The following COL4A4 variants were observed in gnomAD, a reference collection of about 807,000 sequenced individuals.
COL4A4 encodes collagen type IV alpha 4 chain, also known as collagen alpha-4(IV) chain.
Under a neutral mutation model 192.9 loss-of-function variants are expected in COL4A4, and 105 were observed. The ratio of observed to expected loss-of-function variants is 0.54; its 90% CI spans 0.46 to 0.64. COL4A4 has a LOEUF of 0.64. COL4A4 is among the 30% of genes least tolerant of loss of function. The pLI is 0.00. For synonymous variants in COL4A4, 762 were observed against 769.9 expected, an observed-to-expected ratio of 0.99 and a Z score of 0.17; for missense variants, 1,967 against 2,169.3, an observed-to-expected ratio of 0.91 and a Z score of 1.85.
rs1197219086 is a variant in COL4A4, at chr2:227,067,548, T to C, written c.1988-4950A>G. 2.6e-5 allele frequency among the ~76,000 whole-genome samples: 4 copies of C among 152,034 alleles called. No homozygotes were observed. In the South Asian group the frequency reaches 6.2e-4, roughly 24 times the overall value. ...GACCACAATGCAATCAAACTAGAAC[T>C]CAGGATTAAGAATCTCACTCAAAAC... On this transcript the variant is annotated intron_variant, in intron 25 of 47. Transcript: ENST00000396625.
intron 1 of COL4A4, among the ~76,000 whole-genome samples, chr2:227,156,499 A>G (rs2064365358): frequency 2.0e-5 from 3 of 151,960 alleles, no homozygotes; most frequent in Admixed American, 2.0e-4. Context: ...TGGAAAAAAA[A>G]AATAGGAATA....
At chr2:227,041,708 GAA>G (rs1970909357) in intron 37 of COL4A4, among the ~76,000 whole-genome samples, 1 of 127,668 alleles carries the variant, frequency 7.8e-6, no homozygotes, top group African/African-American at 3.5e-5. Flanking sequence ...GAGAGAGAAG[GAA>G]GGAAGGGAGG....
intron 25 of COL4A4, among the ~76,000 whole-genome samples, chr2:227,067,366 C>T (rs1254985843): frequency 6.6e-6 from 1 of 152,166 alleles, no homozygotes; most frequent in African/African-American, 2.4e-5. Flanking sequence ...ACCAAGCAGA[C>T]CTAATAGACA....
chr2:226,988,427 C>G, the COL4A4 span: 1 of 1,550,428 alleles, frequency 6.4e-7, no homozygotes, highest in South Asian at 1.2e-5. Context: ...AAGCCTGAAG[C>G]AGGCCGCAGT....
At position 227,033,395 on chromosome 2, in the gene COL4A4, C is replaced by A; in HGVS notation, c.3577+15G>T. The A allele has an allele frequency of 1.2e-6, 2 of 1,603,508 alleles. No homozygotes were observed. Among genetic ancestry groups the A allele is most frequent in the Non-Finnish European group, 1.7e-6 (2 of 1,171,326 alleles). ...GACTGAAGCTCAGTCTGTTACGAAT[C>A]GATTAGGTGCTTACCTGAAGCACCT... On this transcript the variant is annotated intron_variant, in intron 38 of 47. Transcript: ENST00000396625.
At chr2:227,093,222 T>G (rs960651276) in intron 20 of COL4A4, among the ~76,000 whole-genome samples, 1 of 152,130 alleles carries the variant, frequency 6.6e-6, no homozygotes, top group Non-Finnish European at 1.5e-5. Flanking sequence ...AATTTACTTA[T>G]AGTTTAAATA....
chr2:227,042,970 A>G lies in COL4A4; in HGVS notation c.3397+107T>C. 3 of 833,438 alleles carry G rather than the reference A, an allele frequency of 3.6e-6. No individual in the cohort carries two copies. In the South Asian group the frequency reaches 4.4e-5, roughly 12 times the overall value. 51.6% of individuals were successfully genotyped at this position (833,438 alleles called of 1,614,324 possible). On this transcript the variant is annotated intron_variant, in intron 36 of 47. Transcript: ENST00000396625. ...CTATCCAAAGTCACAGGTCTGGGAA[A>G]TGGCAGAGCCATATCTGAATTTAGG...
the COL4A4 span, among the ~76,000 whole-genome samples, chr2:226,977,750 G>T: frequency 6.6e-6 from 1 of 152,210 alleles, no homozygotes; most frequent in African/African-American, 2.4e-5. Context: ...GCTAATTGAA[G>T]AAATCTTTTG....
intron 2 of COL4A4, chr2:227,147,185 T>G: frequency 6.0e-6 from 4 of 662,450 alleles, no homozygotes; most frequent in South Asian, 4.1e-5. Context: ...CTGGGGCCTT[T>G]CCTTGTGCAA....
chr2:227,097,283 T>C (rs970934965), intron 19 of COL4A4, among the ~76,000 whole-genome samples: 1 of 152,128 alleles, frequency 6.6e-6, no homozygotes, highest in African/African-American at 2.4e-5. Flanking sequence ...CAGCATTAAA[T>C]TTTTTTTATT....
intron 44 of COL4A4, among the ~76,000 whole-genome samples, chr2:227,019,474 A>G (rs1462271023): frequency 1.3e-5 from 2 of 152,218 alleles, no homozygotes; most frequent in Non-Finnish European, 2.9e-5. Context: ...CCTGGTTATT[A>G]GGCCAACCAG....
At chr2:227,132,514 G>A (rs1298806869) in intron 4 of COL4A4, among the ~76,000 whole-genome samples, 1 of 152,206 alleles carries the variant, frequency 6.6e-6, no homozygotes, top group Non-Finnish European at 1.5e-5. Context: ...AGTGGCTCTT[G>A]CCTGTAATCC....
At chr2:226,990,795 T>C in the COL4A4 span, among the ~76,000 whole-genome samples, 1 of 152,212 alleles carries the variant, frequency 6.6e-6, no homozygotes, top group South Asian at 2.1e-4. Flanking sequence ...CTGAGGTTCT[T>C]TGAAGCATGC....
chr2:227,147,867 T>G (rs1052913551), intron 1 of COL4A4, among the ~76,000 whole-genome samples: 3 of 149,746 alleles, frequency 2.0e-5, no homozygotes, highest in African/African-American at 7.3e-5. Context: ...TTTTTATATA[T>G]GTATAAATAA....
intron 1 of COL4A4, among the ~76,000 whole-genome samples, chr2:227,151,468 GTTCAGCAACAATCCTAT>G: frequency 6.6e-6 from 1 of 152,244 alleles, no homozygotes; most frequent in East Asian, 1.9e-4. Context: ...AATGAGACAG[GTTCAGCAACAATCCTAT>G]TCCATTTTAG....
At position 227,007,121 on chromosome 2, in the gene COL4A4, T is replaced by C. The variant is rs1033021759; in HGVS notation, c.*204A>G. 12 of 704,366 alleles carry C rather than the reference T, an allele frequency of 1.7e-5. No homozygotes were observed. The highest frequency in any genetic ancestry group is 6.5e-5 in the Admixed American group (3 of 45,980). The allele number at this position is 704,366 out of a possible 1,614,324, so 43.6% of individuals were successfully genotyped here. On this transcript the variant is annotated 3_prime_UTR_variant, in exon 48 of 48. Coordinates refer to ENST00000396625, the MANE Select transcript of COL4A4 (RefSeq NM_000092.5). ...AATAAGAGTATCTAGGCTCCCTAGA[T>C]TGGGAGGTCCAAACAAATCCATCTG... is the stretch of plus-strand genomic sequence containing the variant.
chr2:227,103,393 A>G (rs1387611871), intron 13 of COL4A4, among the ~76,000 whole-genome samples, 196 bp from the exon 14 acceptor site: 4 of 152,220 alleles, frequency 2.6e-5, no homozygotes, highest in African/African-American at 9.6e-5. Context: ...TGTGAGAGGT[A>G]TATGGGATAC....
Position 227,022,168 on chromosome 2 carries a change from G to A in COL4A4, c.4096C>T (p.Pro1366Ser), listed in dbSNP as rs1456054185. The change falls in exon 44 of 48, where the codon CCG (proline) becomes TCG (serine). Residue 1366 changes from proline (P) to serine (S), a missense_variant. Transcript: ENST00000396625. The stretch of plus-strand genomic sequence containing the variant: ...TCATCCACATCTGCAGGTGGCCCCG[G>A]TTCACCTGAAATTGGAATCACCGCT... ...PTGLPGPRGE[P>S]GPPADVDDCP... 6 of 1,614,086 alleles carry A rather than the reference G, an allele frequency of 3.7e-6. No homozygotes were observed. The Admixed American group carries it at 8.3e-5, about 22-fold the overall frequency.
In COL4A4 at chr2:227,049,912, T is replaced by C. The variant is rs187425592; in HGVS notation, c.3214+156A>G. On this transcript the variant is annotated intron_variant, in intron 34 of 47. Transcript: ENST00000396625. ...GATCTGAGTGACAACTGTAGAATAT[T>C]TGGATCTTGAGTGTTTGACTGTCTA... is the stretch of plus-strand genomic sequence containing the variant. Among the ~76,000 whole-genome samples, 5 of 152,352 alleles carry C rather than the reference T, an allele frequency of 3.3e-5. No homozygotes were observed. The East Asian group carries it at 7.7e-4, about 24-fold the overall frequency.
Sources: allele counts gnomAD v4.1 joint callset (sites outside exome capture counted in the v4.1 genomes callset), GRCh38; gene constraint gnomAD v4.1.1; transcripts MANE v1.5; gene names NCBI Gene and HGNC (gene_info 2026-07-23, HGNC 2026-07-21).